DNAJC1: variants seen among roughly 807,000 people sequenced by gnomAD.
DNAJC1 encodes dnaJ homolog subfamily C member 1.
Under a neutral mutation model 76.6 loss-of-function variants are expected in DNAJC1, and 58 were observed. The observed-to-expected ratio is 0.76, with a 90% CI of 0.61 to 0.94. DNAJC1 has a LOEUF of 0.94. Among genes scored for constraint, DNAJC1 ranks in the 40% least tolerant of loss-of-function variants. The probability of loss-of-function intolerance (pLI) is 0.00; values close to 1 mark genes in which losing one functional copy is unlikely to be tolerated. For missense variants in DNAJC1, 689 were observed against 677.3 expected, an observed-to-expected ratio of 1.02 and a Z score of -0.19; for synonymous variants, 258 against 267.9, an observed-to-expected ratio of 0.96 and a Z score of 0.36.
intron 8 of DNAJC1, among the ~76,000 whole-genome samples, chr10:21,841,662 A>C (rs1213695445): frequency 5.9e-5 from 9 of 152,210 alleles, no homozygotes; most frequent in Admixed American, 5.9e-4. Flanking sequence ...GTGGGACTGT[A>C]AACTAGTTCA....
intron 1 of DNAJC1, among the ~76,000 whole-genome samples, chr10:21,964,711 T>C (rs538836330): frequency 2.3e-3 from 342 of 151,666 alleles, no homozygotes; most frequent in African/African-American, 4.1e-3. Flanking sequence ...TCTGTTGGTT[T>C]TTTTTTTTTT....
At chr10:21,998,760 C>A (rs1017293769) in intron 1 of DNAJC1, among the ~76,000 whole-genome samples, 1 of 152,182 alleles carries the variant, frequency 6.6e-6, no homozygotes, top group African/African-American at 2.4e-5. Flanking sequence ...CTTCTGCTGC[C>A]TGAAGGCTGT....
At chr10:21,945,362 T>C (rs529427849) in intron 1 of DNAJC1, among the ~76,000 whole-genome samples, 2 of 152,302 alleles carry the variant, frequency 1.3e-5, no homozygotes, top group Admixed American at 6.5e-5. Flanking sequence ...TGGAAAAAGA[T>C]ACGTGGCTGA....
chr10:21,976,032 G>A (rs1157273371), intron 1 of DNAJC1, among the ~76,000 whole-genome samples: 5 of 152,014 alleles, frequency 3.3e-5, no homozygotes, highest in Non-Finnish European at 5.9e-5. Flanking sequence ...CACTGAAGAG[G>A]TCCATAAATT....
intron 4 of DNAJC1, 48 bp downstream of exon 4, chr10:21,920,750 A>G (rs777643944): frequency 1.2e-5 from 18 of 1,516,600 alleles, no homozygotes; most frequent in Middle Eastern, 1.8e-4. Context: ...CCAAAATTCC[A>G]TATAAAATTA....
chr10:21,905,853 A>G (rs188453643), intron 6 of DNAJC1, among the ~76,000 whole-genome samples: 17 of 152,292 alleles, frequency 1.1e-4, no homozygotes, highest in Non-Finnish European at 2.2e-4. Flanking sequence ...ACTCTAGGGT[A>G]ACATTCTCAG....
intron 9 of DNAJC1, among the ~76,000 whole-genome samples, 189 bp from the exon 10 acceptor site, chr10:21,766,498 G>A (rs1834301290): frequency 6.6e-6 from 1 of 152,132 alleles, no homozygotes; most frequent in Non-Finnish European, 1.5e-5. Context: ...AGATTAAATG[G>A]ATAGCTCCAA....
At chr10:21,893,827 G>A (rs1174284309) in intron 7 of DNAJC1, among the ~76,000 whole-genome samples, 4 of 151,542 alleles carry the variant, frequency 2.6e-5, no homozygotes, top group African/African-American at 7.3e-5. Context: ...ATAAAAATAA[G>A]AGCAGAAATC....
intron 1 of DNAJC1, among the ~76,000 whole-genome samples, chr10:21,938,107 G>C (rs981719772): frequency 6.6e-6 from 1 of 151,992 alleles, no homozygotes; most frequent in East Asian, 1.9e-4. Context: ...TTTCTTTTTG[G>C]ATTCATTCCT....
At chr10:21,912,962 T>C (rs776769978) in intron 6 of DNAJC1, among the ~76,000 whole-genome samples, 2 of 151,534 alleles carry the variant, frequency 1.3e-5, no homozygotes, top group East Asian at 1.9e-4. Flanking sequence ...GTATAAAGTA[T>C]AGTACTCCCT....
intron 9 of DNAJC1, among the ~76,000 whole-genome samples, chr10:21,778,850 G>C (rs997307769): frequency 7.2e-5 from 11 of 152,226 alleles, no homozygotes; most frequent in African/African-American, 2.4e-4. Context: ...TCCTAGCCAA[G>C]GGAAGCTGTG....
chr10:21,935,323 C>G (rs1837293640), intron 1 of DNAJC1, among the ~76,000 whole-genome samples: 1 of 151,946 alleles, frequency 6.6e-6, no homozygotes, highest in South Asian at 2.1e-4. Context: ...TCTGGACTAG[C>G]AAAATACATA....
intron 8 of DNAJC1, among the ~76,000 whole-genome samples, chr10:21,818,407 G>C (rs184665302): frequency 1.4e-3 from 219 of 152,324 alleles, no homozygotes; most frequent in African/African-American, 5.1e-3. Flanking sequence ...AACTTCATTA[G>C]CAATTTTAAT....
chr10:21,806,164 TAAAA>T, intron 8 of DNAJC1, 65 bp from the exon 9 acceptor site: 3 of 1,504,978 alleles, frequency 2.0e-6, no homozygotes, highest in Non-Finnish European at 2.7e-6. Context: ...ATTGGAAGAA[TAAAA>T]AAAGATAATT....
intron 7 of DNAJC1, among the ~76,000 whole-genome samples, chr10:21,882,681 G>A (rs1316633844): frequency 6.6e-6 from 1 of 152,026 alleles, no homozygotes; most frequent in Admixed American, 6.6e-5. Context: ...ATACACCTTT[G>A]TTTTCAAAGT....
chr10:21,819,608 T>C (rs115459424), intron 8 of DNAJC1, among the ~76,000 whole-genome samples: 2 of 152,124 alleles, frequency 1.3e-5, no homozygotes, highest in African/African-American at 4.8e-5. Flanking sequence ...TGATATTGAT[T>C]TTTAAAATTT....
intron 8 of DNAJC1, among the ~76,000 whole-genome samples, chr10:21,853,059 C>CA (rs1297242691): frequency 6.6e-6 from 1 of 152,168 alleles, no homozygotes. Flanking sequence ...CAGAGCATGT[C>CA]AATACCCCAT....
intron 8 of DNAJC1, among the ~76,000 whole-genome samples, chr10:21,837,957 G>A (rs1260713049): frequency 1.3e-5 from 2 of 149,486 alleles, no homozygotes; most frequent in African/African-American, 4.9e-5. Context: ...CCGGCCGGGA[G>A]GGAGGTGGGG....
intron 9 of DNAJC1, among the ~76,000 whole-genome samples, chr10:21,789,253 C>T (rs1179471594): frequency 1.3e-5 from 2 of 152,216 alleles, no homozygotes; most frequent in African/African-American, 4.8e-5. Flanking sequence ...GAGGCAGTCA[C>T]ATTTATTACT....
Sources: gnomAD v4.1 joint callset for allele counts (sites outside exome capture counted in the v4.1 genomes callset) on GRCh38, gnomAD v4.1.1 for gene constraint, MANE v1.5 for transcripts, NCBI Gene and HGNC (gene_info 2026-07-23, HGNC 2026-07-21) for gene names.